NCAM2: variants seen among roughly 807,000 people sequenced by gnomAD.
NCAM2 encodes the protein neural cell adhesion molecule 2, also known as N-CAM-2.
In NCAM2, 30 loss-of-function variants were observed where a neutral mutation model predicts 98.1. The ratio of observed to expected loss-of-function variants is 0.31; its 90% CI spans 0.23 to 0.41. The LOEUF is 0.41. Among genes scored for constraint, NCAM2 ranks in the 10% least tolerant of loss-of-function variants. The probability of loss-of-function intolerance (pLI) is 1.00; values close to 1 mark genes in which losing one functional copy is unlikely to be tolerated. For missense variants in NCAM2, 867 were observed against 1,005.8 expected, an observed-to-expected ratio of 0.86 and a Z score of 1.87; for synonymous variants, 368 against 342.4, an observed-to-expected ratio of 1.07 and a Z score of -0.83.
In NCAM2 at chr21:21,541,658, A is replaced by T. The variant is rs1325283373; in HGVS notation, c.*3701A>T. On this transcript the variant is annotated 3_prime_UTR_variant, in exon 18 of 18. Coordinates refer to ENST00000400546, the MANE Select transcript of NCAM2 (RefSeq NM_004540.5). ...AAATCAACCTTTATTTTTGGCAATA[A>T]GATTATCACTGACGAAAATATGTAC... is the stretch of plus-strand genomic sequence containing the variant. 6.6e-6 allele frequency: 1 copy of T among 151,696 alleles called. No individual in the cohort carries two copies. Among genetic ancestry groups the T allele is most frequent in the Non-Finnish European group, 1.5e-5 (1 of 67,738 alleles). The allele number at this position is 151,696 out of a possible 1,614,324, so 9.4% of individuals were successfully genotyped here.
At position 21,338,550 on chromosome 21, in the gene NCAM2, T is replaced by A; in HGVS notation, c.1044+16T>A. 6.4e-7 allele frequency: 1 copy of A among 1,571,820 alleles called. No homozygotes were observed. The highest frequency in any genetic ancestry group is 8.6e-7 in the Non-Finnish European group (1 of 1,163,116). On this transcript the variant is annotated intron_variant, in intron 8 of 17. Transcript: ENST00000400546. ...AGGCGATAAGGTAACCACATCTCAA[T>A]ATGTAATGGTTTCCATTACCATGCA... is the stretch of plus-strand genomic sequence containing the variant.
At chr21:21,324,535 C>T in intron 6 of NCAM2, 35 bp downstream of exon 6, 1 of 1,384,728 alleles carries the variant, frequency 7.2e-7, no homozygotes, top group East Asian at 2.3e-5. Context: ...TGGCTTGTGT[C>T]CATTATCAGG....
Position 21,468,675 on chromosome 21 carries a change from T to G in NCAM2, c.1788T>G (p.Pro596=). ...FQTLPVREPS[P]PSIHGQPSSG... The stretch of plus-strand genomic sequence containing the variant: ...TTGTATATCTAGGTGAACCAAGTCC[T>G]CCATCCATACATGGACAGCCAAGCA... Residue 596 remains proline (P), a synonymous_variant, in exon 14 of 18, where the codon CCT becomes CCG. Coordinates refer to ENST00000400546, the MANE Select transcript of NCAM2 (RefSeq NM_004540.5). 1 of 1,611,154 alleles carries G rather than the reference T, an allele frequency of 6.2e-7. No individual in the cohort carries two copies. The highest frequency in any genetic ancestry group is 1.3e-5 in the African/African-American group (1 of 74,876).
At chr21:21,129,369 G>A (rs1046923001) in intron 1 of NCAM2, among the ~76,000 whole-genome samples, 1 of 152,022 alleles carries the variant, frequency 6.6e-6, no homozygotes, top group Non-Finnish European at 1.5e-5. Context: ...TTTAATTATA[G>A]CAAATAAAAG....
intron 1 of NCAM2, among the ~76,000 whole-genome samples, chr21:21,181,445 TG>T (rs1367704398): frequency 7.2e-5 from 11 of 152,294 alleles, no homozygotes; most frequent in Non-Finnish European, 1.3e-4. Flanking sequence ...ATAACTAATT[TG>T]TTATCATGCT....
chr21:21,346,036 A>G lies in NCAM2; in HGVS notation c.1044+7502A>G, dbSNP rs114648056. On this transcript the variant is annotated intron_variant, in intron 8 of 17. Coordinates refer to ENST00000400546, the MANE Select transcript of NCAM2 (RefSeq NM_004540.5). Reference sequence around the variant, plus strand: ...CAACAAAATGGTAGTAGTAAGTCCTAACTTATGAATAATAACATTGAATAT... The same window carrying G: ...CAACAAAATGGTAGTAGTAAGTCCTGACTTATGAATAATAACATTGAATAT... 8.1e-3 allele frequency among the ~76,000 whole-genome samples: 1,226 copies of G among 152,158 alleles called. 17 individuals carry two copies. The highest frequency in any genetic ancestry group is 0.028 in the African/African-American group (1,167 of 41,542).
At chr21:21,157,687 C>A (rs1319330116) in intron 1 of NCAM2, among the ~76,000 whole-genome samples, 1 of 152,014 alleles carries the variant, frequency 6.6e-6, no homozygotes, top group Non-Finnish European at 1.5e-5. Flanking sequence ...GTAAAACATG[C>A]AAAGAGCAGC....
At chr21:21,481,058 TTAAC>T in intron 15 of NCAM2, among the ~76,000 whole-genome samples, 1 of 152,174 alleles carries the variant, frequency 6.6e-6, no homozygotes, top group African/African-American at 2.4e-5. Context: ...GCTGTCAGTG[TTAAC>T]AGGTGAATGG....
At chr21:21,135,655 A>T (rs1193892029) in intron 1 of NCAM2, among the ~76,000 whole-genome samples, 3 of 151,990 alleles carry the variant, frequency 2.0e-5, no homozygotes, top group Admixed American at 2.0e-4. Flanking sequence ...TTGTACTCTC[A>T]CTATCTCCAC....
rs544286058 is a variant in NCAM2, at chr21:21,220,083, A to C, written c.56-60495A>C. ...GTTAAAAAAAAAACCTTTATAAAGTAAAAAAAGTTGCAGTAAGCTAAAGCT... is the reference window on the plus strand; with the variant it reads ...GTTAAAAAAAAAACCTTTATAAAGTCAAAAAAGTTGCAGTAAGCTAAAGCT... On this transcript the variant is annotated intron_variant, in intron 1 of 17. Transcript: ENST00000400546. Among the ~76,000 whole-genome samples, 12 of 152,174 alleles carry C rather than the reference A, an allele frequency of 7.9e-5. No individual in the cohort carries two copies. In the South Asian group the frequency reaches 1.7e-3, roughly 21 times the overall value.
intron 5 of NCAM2, among the ~76,000 whole-genome samples, chr21:21,300,985 G>A (rs8134146): frequency 0.74 from 112,175 of 151,866 alleles, 41,541 homozygotes; most frequent in South Asian, 0.82. Context: ...ATAGATATGC[G>A]TTTGTGTGTC....
chr21:21,148,216 T>C (rs1213428302), intron 1 of NCAM2, among the ~76,000 whole-genome samples: 2 of 152,198 alleles, frequency 1.3e-5, no homozygotes, highest in African/African-American at 2.4e-5. Context: ...TGATCAGATA[T>C]CTGGGCAGCC....
chr21:21,170,835 G>A (rs559786871), intron 1 of NCAM2, among the ~76,000 whole-genome samples: 2 of 62,768 alleles, frequency 3.2e-5, no homozygotes, highest in Admixed American at 1.6e-4. Flanking sequence ...TGTTCCTAGA[G>A]GGGGGAAGGC....
At chr21:21,529,000 T>A (rs1989481345) in intron 16 of NCAM2, among the ~76,000 whole-genome samples, 1 of 152,174 alleles carries the variant, frequency 6.6e-6, no homozygotes, top group African/African-American at 2.4e-5. Flanking sequence ...AGTGAAATTT[T>A]GCTGTTGTCT....
chr21:21,102,716 C>T (rs1402338309), intron 1 of NCAM2, among the ~76,000 whole-genome samples: 1 of 151,744 alleles, frequency 6.6e-6, no homozygotes, highest in East Asian at 1.9e-4. Flanking sequence ...TGGAAAATAT[C>T]ATTAATGTAT....
chr21:21,466,862 C>A, intron 13 of NCAM2, 137 bp downstream of exon 13: 2 of 919,018 alleles, frequency 2.2e-6, no homozygotes, highest in Non-Finnish European at 3.2e-6. Context: ...TTTCTGAAGA[C>A]AGTGACATCT....
At chr21:21,289,824 A>G (rs879812175) in intron 4 of NCAM2, among the ~76,000 whole-genome samples, 2 of 152,010 alleles carry the variant, frequency 1.3e-5, no homozygotes, top group African/African-American at 2.4e-5. Context: ...ATAAGCTAAT[A>G]TACAGTTGAG....
chr21:21,179,677 C>T (rs2068406505), intron 1 of NCAM2, among the ~76,000 whole-genome samples: 1 of 152,112 alleles, frequency 6.6e-6, no homozygotes, highest in African/African-American at 2.4e-5. Context: ...TAGAAGTAAA[C>T]ATCTCTGGTT....
chr21:21,371,858 TGC>T (rs1182669146), intron 8 of NCAM2, among the ~76,000 whole-genome samples: 5 of 140,524 alleles, frequency 3.6e-5, no homozygotes, highest in Non-Finnish European at 7.6e-5. Context: ...GTAAAATAAA[TGC>T]GCGTGCACAC....
Sources: allele counts gnomAD v4.1 joint callset (sites outside exome capture counted in the v4.1 genomes callset), GRCh38; gene constraint gnomAD v4.1.1; transcripts MANE v1.5; gene names NCBI Gene and HGNC (gene_info 2026-07-23, HGNC 2026-07-21).